The following SH3BP4 variants were observed in gnomAD, a reference collection of about 807,000 sequenced individuals.
The protein encoded by SH3BP4 is SH3 domain-binding protein 4.
A neutral mutation model predicts 65.5 loss-of-function variants in SH3BP4; 33 were observed. The ratio of observed to expected loss-of-function variants is 0.50; its 90% CI spans 0.38 to 0.67. The LOEUF is 0.67. Among genes scored for constraint, SH3BP4 ranks in the 30% least tolerant of loss-of-function variants. SH3BP4 has a pLI of 0.00. For synonymous variants in SH3BP4, 552 were observed against 545.5 expected (o/e 1.01, Z -0.17); for missense variants, 1,134 against 1,261.4 (o/e 0.90, Z 1.53).
chr2:234,993,110 T>C (rs1693803519), intron 1 of SH3BP4, among the ~76,000 whole-genome samples: 1 of 152,142 alleles, frequency 6.6e-6, no homozygotes. Context: ...CGGTGGGGCT[T>C]GTTGTCCCTG....
At chr2:235,040,742 A>T (rs1418960755) in intron 3 of SH3BP4, 146 bp from the exon 4 acceptor site, 3 of 685,492 alleles carry the variant, frequency 4.4e-6, no homozygotes, top group African/African-American at 1.8e-5. Context: ...TTACCTACTG[A>T]ATTTCACTTT....
In SH3BP4 at chr2:234,952,721, C is replaced by T. The variant is rs958958305; in HGVS notation, c.-207+551C>T. 6.6e-6 allele frequency: 1 copy of T among 152,194 alleles called. No homozygotes were observed. 9.4% of individuals were successfully genotyped at this position (152,194 alleles called of 1,614,324 possible). A position where few individuals can be genotyped will look rare whatever the true frequency, so the allele number is the denominator to read the frequency against. ...TATTTCAACTTCTTCGGAGATCCCTCCTGTGAGGATGAAATTGAAAACTCC... is the reference window on the plus strand; with the variant it reads ...TATTTCAACTTCTTCGGAGATCCCTTCTGTGAGGATGAAATTGAAAACTCC... On this transcript the variant is annotated intron_variant, in intron 1 of 5. Coordinates refer to ENST00000392011, the MANE Select transcript of SH3BP4 (RefSeq NM_014521.3). This position sits in a 1 kb window ranked among gnomAD's most constrained non-coding sequence, Gnocchi z 6.5.
At chr2:234,988,724 G>GA (rs1157699096) in intron 1 of SH3BP4, among the ~76,000 whole-genome samples, 1 of 152,190 alleles carries the variant, frequency 6.6e-6, no homozygotes, top group Non-Finnish European at 1.5e-5. Flanking sequence ...GTGTAGGGGG[G>GA]ACGCATGAAC....
chr2:235,047,922 G>A (rs1695921575), intron 4 of SH3BP4, among the ~76,000 whole-genome samples: 1 of 152,132 alleles, frequency 6.6e-6, no homozygotes, highest in South Asian at 2.1e-4. Context: ...AAGGGAGGGT[G>A]GTTGTTTTGG....
At chr2:234,981,553 G>T (rs767015394) in intron 1 of SH3BP4, 1 of 152,216 alleles carries the variant, frequency 6.6e-6, no homozygotes, top group Non-Finnish European at 1.5e-5. Flanking sequence ...TTTGCCCAGC[G>T]TGTTTAGAAG....
At position 235,040,972 on chromosome 2, in the gene SH3BP4, C is replaced by T; in HGVS notation, c.203C>T (p.Pro68Leu). The change falls in exon 4 of 6, where the codon CCC becomes CTC. Residue 68 changes from proline (P) to leucine (L), a missense_variant. By Grantham distance (98) the Pro-to-Leu change is moderately conservative. Transcript: ENST00000392011. Reference protein sequence around the residue: ...KEVIAIKDYCPTNFTTLKFSK... With the variant: ...KEVIAIKDYCLTNFTTLKFSK... ...GTGATTGCGATCAAGGACTATTGCCCCACCAACTTCACCACACTGAAGTTC... is the reference window on the plus strand; with the variant it reads ...GTGATTGCGATCAAGGACTATTGCCTCACCAACTTCACCACACTGAAGTTC... 6.2e-7 allele frequency: 1 copy of T among 1,614,130 alleles called. No homozygotes were observed. The highest frequency in any genetic ancestry group is 2.2e-5 in the East Asian group (1 of 44,880).
chr2:234,959,747 G>A (rs576580146), intron 1 of SH3BP4, among the ~76,000 whole-genome samples: 2 of 151,250 alleles, frequency 1.3e-5, no homozygotes, highest in South Asian at 4.2e-4. Context: ...CGCCTCCTGG[G>A]TTCAAGTGAT....
At chr2:234,979,042 A>G (rs952071609) in intron 1 of SH3BP4, 1 of 152,228 alleles carries the variant, frequency 6.6e-6, no homozygotes, top group African/African-American at 2.4e-5. Context: ...CATCTGCTGC[A>G]TTTCTTGAGG....
intron 2 of SH3BP4, among the ~76,000 whole-genome samples, chr2:235,022,321 A>T (rs1230150833): frequency 6.6e-6 from 1 of 152,142 alleles, no homozygotes; most frequent in East Asian, 1.9e-4. Context: ...TCGGAGGCCG[A>T]GGCGGGCAGA....
At position 234,957,143 on chromosome 2, in the gene SH3BP4, C is replaced by T. The variant is rs139580144; in HGVS notation, c.-207+4973C>T. ...TCAAGCTGTTCTCCTACCTCAGCCT[C>T]CTGAGTAGCTGGGACAACAGGCATG... is the stretch of plus-strand genomic sequence containing the variant. On this transcript the variant is annotated intron_variant, in intron 1 of 5. Transcript: ENST00000392011. 2.6e-3 allele frequency among the ~76,000 whole-genome samples: 399 copies of T among 152,270 alleles called. 1 individual carries two copies. The highest frequency in any genetic ancestry group is 4.6e-3 in the Non-Finnish European group (310 of 68,030).
intron 1 of SH3BP4, among the ~76,000 whole-genome samples, chr2:234,982,835 A>G (rs898435600): frequency 4.0e-5 from 6 of 151,266 alleles, no homozygotes; most frequent in African/African-American, 1.5e-4. Flanking sequence ...GAACCCCGAA[A>G]TGGGGCAGGG....
chr2:234,993,271 G>A (rs547455477), intron 1 of SH3BP4, among the ~76,000 whole-genome samples: 6 of 152,304 alleles, frequency 3.9e-5, no homozygotes, highest in South Asian at 4.1e-4. Context: ...CTCGCCCCCC[G>A]CCTCATTTCC....
intron 1 of SH3BP4, among the ~76,000 whole-genome samples, chr2:234,983,452 A>G (rs1279328319): frequency 6.6e-6 from 1 of 152,246 alleles, no homozygotes; most frequent in Non-Finnish European, 1.5e-5. Context: ...AAGAATGTCA[A>G]GAGCGGTGGA....
chr2:234,988,067 T>G (rs984658347), intron 1 of SH3BP4, among the ~76,000 whole-genome samples: 3 of 152,154 alleles, frequency 2.0e-5, no homozygotes, highest in Admixed American at 2.0e-4. Context: ...CAGCCACATT[T>G]TTTTTTCTTT....
rs118085504 is a variant in SH3BP4 at position 234,981,314 on chromosome 2, C to T, written c.-206-13989C>T. On this transcript the variant is annotated intron_variant, in intron 1 of 5. Transcript: ENST00000392011. ...CCTTCCTGAGGTGGAGACTGCTGGG[C>T]TCTGTTCCCGTCTGTGGCTCCCCCT... 3.9e-4 allele frequency among the ~76,000 whole-genome samples: 60 copies of T among 152,260 alleles called. No individual in the cohort carries two copies. In the East Asian group the frequency reaches 0.011, roughly 28 times the overall value.
intron 1 of SH3BP4, among the ~76,000 whole-genome samples, chr2:234,956,971 C>T (rs770549193): frequency 4.6e-5 from 7 of 152,212 alleles, no homozygotes; most frequent in South Asian, 2.1e-4. Flanking sequence ...AGCAGAGCTT[C>T]GATTGCAGTA....
chr2:235,046,735 G>A lies in SH3BP4; in HGVS notation c.2478+3488G>A, dbSNP rs984246051. 1.3e-5 allele frequency among the ~76,000 whole-genome samples: 2 copies of A among 149,876 alleles called. No homozygotes were observed. The highest frequency in any genetic ancestry group is 3.0e-5 in the Non-Finnish European group (2 of 67,760). ...TAAGTGATTGAATGAATGAATGATG[G>A]ATGAATGAATGAATGATGAATGAAT... On this transcript the variant is annotated intron_variant, in intron 4 of 5. Transcript: ENST00000392011. This position sits in a 1 kb window ranked among gnomAD's most constrained non-coding sequence, Gnocchi z 4.2.
chr2:235,022,697 T>A (rs1291879205), intron 2 of SH3BP4, among the ~76,000 whole-genome samples: 8 of 152,202 alleles, frequency 5.3e-5, no homozygotes, highest in African/African-American at 1.9e-4. Context: ...CACCCGCCGC[T>A]GTTGAGAGGA....
chr2:235,004,068 C>G (rs1012050346), intron 2 of SH3BP4, among the ~76,000 whole-genome samples: 1 of 152,188 alleles, frequency 6.6e-6, no homozygotes, highest in African/African-American at 2.4e-5. Context: ...CTGTTGGTGG[C>G]GTTTTTCCTG....
Sources: gnomAD v4.1 joint callset for allele counts (sites outside exome capture counted in the v4.1 genomes callset) on GRCh38, gnomAD v4.1.1 for gene constraint, Gnocchi (gnomAD v3.1) non-coding constraint, MANE v1.5 for transcripts, NCBI Gene and HGNC (gene_info 2026-07-23, HGNC 2026-07-21) for gene names.